Variants in EBF2 observed in about 807,000 individuals in gnomAD.
The protein encoded by EBF2 is transcription factor COE2.
A neutral mutation model predicts 72.8 loss-of-function variants in EBF2; 21 were observed. The ratio of observed to expected loss-of-function variants is 0.29; its 90% CI spans 0.20 to 0.42. The LOEUF (loss-of-function observed/expected upper bound fraction) is 0.42, where lower values mean the gene tolerates loss of function less well. Ranked by LOEUF, EBF2 falls within the 10% of genes least tolerant of loss-of-function variation. EBF2 has a pLI of 1.00. For missense variants in EBF2, 637 were observed against 731.2 expected, an observed-to-expected ratio of 0.87 and a Z score of 1.49; for synonymous variants, 299 against 274.2, an observed-to-expected ratio of 1.09 and a Z score of -0.89.
chr8:25,867,098 G>T (rs1004614043), intron 10 of EBF2, among the ~76,000 whole-genome samples: 3 of 152,068 alleles, frequency 2.0e-5, no homozygotes, highest in Non-Finnish European at 4.4e-5. Flanking sequence ...ATTAAATCAA[G>T]TTACTAAGAA....
chr8:26,044,288 C>A lies in EBF2; in HGVS notation c.131+441G>T, dbSNP rs534977336. Among the ~76,000 whole-genome samples, 10 of 152,234 alleles carry A rather than the reference C, an allele frequency of 6.6e-5. 1 individual carries two copies. The South Asian group carries it at 2.1e-3, about 32-fold the overall frequency. On this transcript the variant is annotated intron_variant, in intron 1 of 15. Coordinates refer to ENST00000520164, the MANE Select transcript of EBF2 (RefSeq NM_022659.4). The surrounding 1 kb of genome is among the most constrained non-coding windows in gnomAD (Gnocchi z 4.1). ...GCTCCAGGAATCGCCCAGCAAGATG[C>A]GGGAGGTAGGCGCTCGCAGGCGGCG...
chr8:26,010,988 TACAC>T (rs36211488), intron 6 of EBF2, among the ~76,000 whole-genome samples: 1,645 of 150,858 alleles, frequency 0.011, 26 homozygotes, highest in African/African-American at 0.03. Context: ...TATGTGTGCA[TACAC>T]ACACACACAC....
chr8:26,002,912 AG>A (rs1804762419), intron 6 of EBF2, among the ~76,000 whole-genome samples: 11 of 70,316 alleles, frequency 1.6e-4, no homozygotes, highest in African/African-American at 3.0e-4. Flanking sequence ...GCAGGCGGGC[AG>A]GCGGGCAGGC....
At chr8:25,972,133 C>T (rs1177411200) in intron 6 of EBF2, among the ~76,000 whole-genome samples, 5 of 152,174 alleles carry the variant, frequency 3.3e-5, no homozygotes, top group African/African-American at 1.2e-4. Flanking sequence ...AGCTAGGGTG[C>T]AGAAATCAAC....
chr8:25,977,723 C>T (rs766967328), intron 6 of EBF2, among the ~76,000 whole-genome samples: 3 of 152,186 alleles, frequency 2.0e-5, no homozygotes, highest in Non-Finnish European at 4.4e-5. Context: ...ACTTCCTTGC[C>T]CGAAGTGCAC....
intron 6 of EBF2, among the ~76,000 whole-genome samples, chr8:25,982,398 A>G (rs927746815): frequency 1.3e-5 from 2 of 152,212 alleles, no homozygotes; most frequent in African/African-American, 2.4e-5. Context: ...GGCCCCAGCC[A>G]GGGAGCTGTG....
chr8:25,855,089 C>T (rs1166703523), intron 14 of EBF2, among the ~76,000 whole-genome samples: 1 of 152,208 alleles, frequency 6.6e-6, no homozygotes, highest in South Asian at 2.1e-4. Context: ...ACATCTATCT[C>T]TCTATGGATA....
chr8:26,044,339 G>A lies in EBF2; in HGVS notation c.131+390C>T, dbSNP rs1231454490. Among the ~76,000 whole-genome samples the A allele has an allele frequency of 2.0e-5, 3 of 152,372 alleles. No individual in the cohort carries two copies. The highest frequency in any genetic ancestry group is 3.9e-4 in the East Asian group (2 of 5,182). The stretch of plus-strand genomic sequence containing the variant: ...TGGCGAAGCCAAGAGTGGCCAGGAA[G>A]CCGGCTTTCCTCCCGCGCCGCCACT... On this transcript the variant is annotated intron_variant, in intron 1 of 15. Coordinates refer to ENST00000520164, the MANE Select transcript of EBF2 (RefSeq NM_022659.4). This position sits in a 1 kb window ranked among gnomAD's most constrained non-coding sequence, Gnocchi z 4.1.
chr8:25,866,608 T>TTTATA (rs1379834784), intron 10 of EBF2, among the ~76,000 whole-genome samples: 2 of 138,768 alleles, frequency 1.4e-5, no homozygotes, highest in African/African-American at 5.5e-5. Flanking sequence ...TAATATAATG[T>TTTATA]TTATATTATA....
At chr8:26,032,677 T>G (rs995649896) in intron 6 of EBF2, 47 of 180,840 alleles carry the variant, frequency 2.6e-4, no homozygotes, top group African/African-American at 1.1e-3. Context: ...CCCTAAACCG[T>G]AATCTGAATT....
At chr8:25,865,653 C>T (rs1415654173) in intron 10 of EBF2, among the ~76,000 whole-genome samples, 2 of 151,744 alleles carry the variant, frequency 1.3e-5, no homozygotes. Context: ...TCTCAAACTC[C>T]TAGGCTCAAG....
At chr8:25,929,535 C>A (rs537314398) in intron 6 of EBF2, among the ~76,000 whole-genome samples, 1 of 152,304 alleles carries the variant, frequency 6.6e-6, no homozygotes, top group East Asian at 1.9e-4. Flanking sequence ...TATGTGCCTT[C>A]ATTTCTTCCT....
At chr8:25,973,137 A>C (rs1170676625) in intron 6 of EBF2, among the ~76,000 whole-genome samples, 3 of 152,148 alleles carry the variant, frequency 2.0e-5, no homozygotes, top group African/African-American at 7.2e-5. Flanking sequence ...GGTGACCTGC[A>C]AAGTGTTTTT....
At chr8:25,856,816 C>A (rs1166008316) in intron 14 of EBF2, among the ~76,000 whole-genome samples, 1 of 152,150 alleles carries the variant, frequency 6.6e-6, no homozygotes, top group African/African-American at 2.4e-5. Flanking sequence ...GACATAAAAT[C>A]TTATAACAAA....
chr8:25,949,730 G>A (rs1206900254), intron 6 of EBF2, among the ~76,000 whole-genome samples: 2 of 152,080 alleles, frequency 1.3e-5, no homozygotes, highest in African/African-American at 2.4e-5. Flanking sequence ...TTGAGGGAGG[G>A]TGGTCATGGG....
chr8:26,007,867 C>G (rs1017711206), intron 6 of EBF2, among the ~76,000 whole-genome samples: 1 of 151,564 alleles, frequency 6.6e-6, no homozygotes, highest in Non-Finnish European at 1.5e-5. Context: ...ATAAACTAGC[C>G]TGATATAACT....
At chr8:25,890,175 C>T (rs554240315) in intron 7 of EBF2, among the ~76,000 whole-genome samples, 31 of 152,264 alleles carry the variant, frequency 2.0e-4, no homozygotes, top group South Asian at 1.0e-3. Context: ...AGACCTGGAC[C>T]GCCACCGCCA....
intron 10 of EBF2, among the ~76,000 whole-genome samples, chr8:25,870,467 C>T (rs1025163731): frequency 6.6e-6 from 1 of 152,178 alleles, no homozygotes; most frequent in Non-Finnish European, 1.5e-5. Flanking sequence ...TGCTCTGCCT[C>T]TCCCAAGAGC....
At chr8:25,965,509 T>A (rs1336208692) in intron 6 of EBF2, among the ~76,000 whole-genome samples, 2 of 152,110 alleles carry the variant, frequency 1.3e-5, no homozygotes, top group Non-Finnish European at 1.5e-5. Context: ...CCAAAAATAA[T>A]ATATGAAGTG....
Sources: gnomAD v4.1 joint callset for allele counts (sites outside exome capture counted in the v4.1 genomes callset) on GRCh38, gnomAD v4.1.1 for gene constraint, Gnocchi (gnomAD v3.1) non-coding constraint, MANE v1.5 for transcripts, NCBI Gene and HGNC (gene_info 2026-07-23, HGNC 2026-07-21) for gene names.